MAN1A1: variants seen among roughly 807,000 people sequenced by gnomAD.
MAN1A1 encodes mannosidase alpha class 1A member 1, also known as mannosyl-oligosaccharide 1,2-alpha-mannosidase IA.
Under a neutral mutation model 70.8 loss-of-function variants are expected in MAN1A1, and 29 were observed. The ratio of observed to expected loss-of-function variants is 0.41; its 90% CI spans 0.31 to 0.56. The LOEUF (loss-of-function observed/expected upper bound fraction) is 0.56. MAN1A1 is among the 20% of genes least tolerant of loss of function. MAN1A1 has a pLI of 0.29. For synonymous variants in MAN1A1, 349 were observed against 330.1 expected (o/e 1.06, Z -0.62); for missense variants, 747 against 841.3 (o/e 0.89, Z 1.39).
intron 5 of MAN1A1, among the ~76,000 whole-genome samples, chr6:119,272,531 A>C (rs575740423): frequency 2.5e-4 from 38 of 152,216 alleles, no homozygotes; most frequent in African/African-American, 8.9e-4. Context: ...GTAGCCCAAA[A>C]TTTCCATGTA....
intron 7 of MAN1A1, among the ~76,000 whole-genome samples, chr6:119,201,850 C>T (rs144390788): frequency 1.3e-5 from 2 of 152,074 alleles, no homozygotes; most frequent in African/African-American, 4.8e-5. Flanking sequence ...AAAAATGATA[C>T]CTTTCTATAG....
intron 3 of MAN1A1, among the ~76,000 whole-genome samples, chr6:119,305,862 T>C (rs1229390102): frequency 1.3e-5 from 2 of 152,158 alleles, no homozygotes; most frequent in African/African-American, 4.8e-5. Context: ...TCTAAATAAA[T>C]GGAAAAGCAA....
At chr6:119,227,179 A>C (rs1283332049) in intron 6 of MAN1A1, among the ~76,000 whole-genome samples, 1 of 152,218 alleles carries the variant, frequency 6.6e-6, no homozygotes, top group Admixed American at 6.5e-5. Context: ...AGCAGAGTAC[A>C]TATTGCACAT....
At chr6:119,212,263 C>T (rs566979541) in intron 6 of MAN1A1, among the ~76,000 whole-genome samples, 2 of 151,932 alleles carry the variant, frequency 1.3e-5, no homozygotes, top group Non-Finnish European at 2.9e-5. Flanking sequence ...AGTCTGGCAC[C>T]ATTAGTCTCA....
At position 119,179,335 on chromosome 6, in the gene MAN1A1, T is replaced by G. The variant is rs567578436; in HGVS notation, c.*484A>C. 1 of 153,002 alleles carries G rather than the reference T, an allele frequency of 6.5e-6. No individual in the cohort carries two copies. Among genetic ancestry groups the G allele is most frequent in the South Asian group, 2.1e-4 (1 of 4,840 alleles). The allele number at this position is 153,002 out of a possible 1,614,324, so 9.5% of individuals were successfully genotyped here. The stretch of plus-strand genomic sequence containing the variant: ...TGCATAAGGAGGCTGTCACAGAAGA[T>G]CTGTCTCTGGTGGACAGACAAACCA... On this transcript the variant is annotated 3_prime_UTR_variant, in exon 13 of 13. Coordinates refer to ENST00000368468, the MANE Select transcript of MAN1A1 (RefSeq NM_005907.4).
chr6:119,182,228 T>C (rs1773170933), intron 11 of MAN1A1, among the ~76,000 whole-genome samples: 1 of 152,228 alleles, frequency 6.6e-6, no homozygotes, highest in Non-Finnish European at 1.5e-5. Context: ...AGGTTGTTTT[T>C]CTGCTACTGA....
In MAN1A1 at chr6:119,334,169, A is replaced by C. The variant is rs554568061; in HGVS notation, c.603+14294T>G. On this transcript the variant is annotated intron_variant, in intron 2 of 12. Transcript: ENST00000368468. ...AAGGTATGGGAAGTAAACAGAAATA[A>C]CCTTTGATTTTAATTTTCCTATTTT... is the stretch of plus-strand genomic sequence containing the variant. Among the ~76,000 whole-genome samples the C allele has an allele frequency of 3.7e-4, 56 of 152,308 alleles. 2 individuals are homozygous for C. In the South Asian group the frequency reaches 0.011, roughly 30 times the overall value.
At position 119,177,367 on chromosome 6, in the gene MAN1A1, A is replaced by C. The variant is rs1773033418; in HGVS notation, c.*2452T>G. 1 of 152,140 alleles carries C rather than the reference A, an allele frequency of 6.6e-6. No individual in the cohort carries two copies. The highest frequency in any genetic ancestry group is 1.5e-5 in the Non-Finnish European group (1 of 67,958). The allele number at this position is 152,140 out of a possible 1,614,324, so 9.4% of individuals were successfully genotyped here. ...AAAATAAAAAACAATCAATGTACAC[A>C]ATGTGTAGCTCATATGAAAACCTCA... On this transcript the variant is annotated 3_prime_UTR_variant, in exon 13 of 13. Coordinates refer to ENST00000368468, the MANE Select transcript of MAN1A1 (RefSeq NM_005907.4).
At chr6:119,245,057 G>C (rs1320714813) in intron 6 of MAN1A1, among the ~76,000 whole-genome samples, 1 of 152,130 alleles carries the variant, frequency 6.6e-6, no homozygotes, top group Non-Finnish European at 1.5e-5. Flanking sequence ...TGTTAACATA[G>C]AGATGTTGAC....
intron 2 of MAN1A1, among the ~76,000 whole-genome samples, chr6:119,314,945 A>G (rs1209596308): frequency 6.6e-6 from 1 of 152,130 alleles, no homozygotes; most frequent in Non-Finnish European, 1.5e-5. Context: ...GCCTGTCACT[A>G]GATTTATGGA....
At chr6:119,236,595 C>T (rs922665489) in intron 6 of MAN1A1, among the ~76,000 whole-genome samples, 1 of 151,426 alleles carries the variant, frequency 6.6e-6, no homozygotes, top group African/African-American at 2.4e-5. Context: ...ATAATCCCAG[C>T]TACTCGGGAG....
intron 5 of MAN1A1, among the ~76,000 whole-genome samples, chr6:119,265,587 T>A (rs1194687493): frequency 6.6e-6 from 1 of 152,166 alleles, no homozygotes; most frequent in Admixed American, 6.5e-5. Flanking sequence ...CAGCCTAAAC[T>A]TCCTCTACCA....
At chr6:119,288,044 C>T (rs749253345) in intron 5 of MAN1A1, among the ~76,000 whole-genome samples, 3 of 151,942 alleles carry the variant, frequency 2.0e-5, no homozygotes, top group Non-Finnish European at 4.4e-5. Flanking sequence ...AAGTTTACTA[C>T]AGGTACTTCA....
chr6:119,309,697 C>T (rs75983251), intron 2 of MAN1A1, among the ~76,000 whole-genome samples: 12 of 152,076 alleles, frequency 7.9e-5, no homozygotes, highest in Admixed American at 2.6e-4. Context: ...TTCCTGAATA[C>T]GTATATTTGC....
intron 1 of MAN1A1, 68 bp downstream of exon 1, chr6:119,349,474 G>A (rs1181487421): frequency 4.4e-5 from 42 of 951,396 alleles, no homozygotes; most frequent in Non-Finnish European, 5.1e-5. Context: ...CCCGTGGGTA[G>A]GGGAGGGGTG....
chr6:119,205,264 C>T (rs1445095135), intron 6 of MAN1A1, among the ~76,000 whole-genome samples: 1 of 152,076 alleles, frequency 6.6e-6, no homozygotes, highest in Non-Finnish European at 1.5e-5. Flanking sequence ...TTAATTTCAG[C>T]CTAAGAGACC....
At chr6:119,208,630 A>C (rs926703136) in intron 6 of MAN1A1, among the ~76,000 whole-genome samples, 1 of 152,178 alleles carries the variant, frequency 6.6e-6, no homozygotes, top group Admixed American at 6.5e-5. Flanking sequence ...GGGAATGGTT[A>C]ATAGGGCTGG....
intron 2 of MAN1A1, among the ~76,000 whole-genome samples, chr6:119,317,241 T>A (rs1263644512): frequency 6.6e-6 from 1 of 152,146 alleles, no homozygotes; most frequent in Non-Finnish European, 1.5e-5. Flanking sequence ...CACTGACACA[T>A]CATTACCACC....
At chr6:119,270,783 C>G (rs1366575263) in intron 5 of MAN1A1, among the ~76,000 whole-genome samples, 3 of 152,060 alleles carry the variant, frequency 2.0e-5, no homozygotes, top group Admixed American at 6.6e-5. Context: ...CCAGAATATC[C>G]CTTGAGTTGG....
Sources: allele counts gnomAD v4.1 joint callset (sites outside exome capture counted in the v4.1 genomes callset), GRCh38; gene constraint gnomAD v4.1.1; transcripts MANE v1.5; gene names NCBI Gene and HGNC (gene_info 2026-07-23, HGNC 2026-07-21).